The following VPS13C variants were observed in gnomAD, a reference collection of about 807,000 sequenced individuals.
VPS13C encodes the protein vacuolar protein sorting 13 homolog C, also known as intermembrane lipid transfer protein VPS13C.
In VPS13C, 358 loss-of-function variants were observed where a neutral mutation model predicts 456.8. The observed-to-expected ratio is 0.78, with a 90% CI of 0.72 to 0.86. VPS13C has a LOEUF of 0.86. Ranked by LOEUF, VPS13C falls within the 40% of genes least tolerant of loss-of-function variation. The probability of loss-of-function intolerance (pLI) is 0.00; values close to 1 mark genes in which losing one functional copy is unlikely to be tolerated. For synonymous variants in VPS13C, 1,578 were observed against 1,486.7 expected (o/e 1.06, Z -1.41); for missense variants, 4,818 against 4,385.4 (o/e 1.10, Z -2.79).
chr15:61,911,724 T>C, intron 63 of VPS13C, 116 bp downstream of exon 63: 1 of 1,063,844 alleles, frequency 9.4e-7, no homozygotes, highest in Non-Finnish European at 1.2e-6. Context: ...AAGCTGGCTG[T>C]CATATTTCAA....
rs1436607583 is a variant in VPS13C at position 61,927,321 on chromosome 15, C to G, written c.6287-1G>C. On this transcript the variant is annotated splice_acceptor_variant, in intron 51 of 84. Coordinates refer to ENST00000644861, the MANE Select transcript of VPS13C (RefSeq NM_020821.3). LOFTEE classifies it high-confidence loss of function. ...GTCATATTTGGTCTAACAGAGTCAT[C>G]TGAAGAAACAAGCAACAGGAACCAG... 2 of 1,610,810 alleles carry G rather than the reference C, an allele frequency of 1.2e-6. No individual in the cohort carries two copies. Among genetic ancestry groups the G allele is most frequent in the Non-Finnish European group, 1.7e-6 (2 of 1,178,072 alleles).
intron 5 of VPS13C, among the ~76,000 whole-genome samples, chr15:62,032,952 C>T (rs1561197): frequency 0.53 from 80,273 of 151,354 alleles, 21,525 homozygotes; most frequent in Admixed American, 0.62. Context: ...TGTTAAAATG[C>T]TAAAACCTGA....
Position 61,973,439 on chromosome 15 carries a change from T to C in VPS13C, c.2617+15A>G, listed in dbSNP as rs942549756. On this transcript the variant is annotated intron_variant, in intron 26 of 84. Coordinates refer to ENST00000644861, the MANE Select transcript of VPS13C (RefSeq NM_020821.3). ...GGCTTAATTTAATAGAGAAAGAGTA[T>C]TTTACTTTCCTTACCTGATTCCACA... is the stretch of plus-strand genomic sequence containing the variant. The C allele has an allele frequency of 2.5e-6, 4 of 1,597,322 alleles. No individual in the cohort carries two copies. The highest frequency in any genetic ancestry group is 2.7e-5 in the African/African-American group (2 of 74,574).
intron 22 of VPS13C, 73 bp from the exon 23 acceptor site, chr15:61,978,822 G>A (rs1417522893): frequency 1.0e-5 from 15 of 1,456,000 alleles, no homozygotes; most frequent in Non-Finnish European, 1.4e-5. Flanking sequence ...CTTTAGTTAG[G>A]TTTCAGTCTT....
At chr15:61,977,584 G>T (rs1314940146) in intron 23 of VPS13C, among the ~76,000 whole-genome samples, 1 of 151,910 alleles carries the variant, frequency 6.6e-6, no homozygotes, top group African/African-American at 2.4e-5. Context: ...AGAAAAAGAA[G>T]TATGGGGTTC....
chr15:61,887,725 A>G (rs1896371950), intron 67 of VPS13C, among the ~76,000 whole-genome samples: 1 of 152,108 alleles, frequency 6.6e-6, no homozygotes, highest in African/African-American at 2.4e-5. Flanking sequence ...ATAAAAATAA[A>G]TAAATATAAA....
At chr15:62,023,366 A>C (rs749044658) in intron 8 of VPS13C, 45 bp downstream of exon 8, 1 of 1,163,770 alleles carries the variant, frequency 8.6e-7, no homozygotes, top group Admixed American at 3.2e-5. Context: ...AGAATATTAT[A>C]AAATACATAT....
chr15:61,921,485 TG>T (rs2140182587), intron 55 of VPS13C, among the ~76,000 whole-genome samples: 1 of 152,196 alleles, frequency 6.6e-6, no homozygotes, highest in Non-Finnish European at 1.5e-5. Context: ...TAAAAATCAC[TG>T]AGTATACTAA....
intron 13 of VPS13C, among the ~76,000 whole-genome samples, chr15:62,009,926 G>A (rs945852575): frequency 9.9e-5 from 15 of 152,070 alleles, no homozygotes; most frequent in Middle Eastern, 3.2e-3. Context: ...GGTAGCTCAC[G>A]CCTGTAATCC....
intron 3 of VPS13C, among the ~76,000 whole-genome samples, chr15:62,036,020 A>C (rs1456790189): frequency 1.3e-5 from 2 of 152,026 alleles, no homozygotes; most frequent in Non-Finnish European, 2.9e-5. Flanking sequence ...CCCTCGTTCC[A>C]GGTCTCCAGG....
At chr15:61,903,470 T>C (rs1161420682) in intron 66 of VPS13C, among the ~76,000 whole-genome samples, 1 of 151,864 alleles carries the variant, frequency 6.6e-6, no homozygotes, top group Non-Finnish European at 1.5e-5. Flanking sequence ...CCAAAATGTA[T>C]AAAGCTATGA....
chr15:61,914,934 C>G (rs1335296697), intron 61 of VPS13C, among the ~76,000 whole-genome samples: 1 of 121,386 alleles, frequency 8.2e-6, no homozygotes, highest in African/African-American at 3.1e-5. Context: ...TAATAATGTA[C>G]ACTGAAATTT....
In VPS13C at chr15:61,920,644, T is replaced by C. The variant is rs2043624499; in HGVS notation, c.7066A>G (p.Lys2356Glu). The change falls in exon 56 of 85, where the codon AAG (lysine) becomes GAG (glutamate). Residue 2356 changes from lysine (K) to glutamate (E), a missense_variant. Physicochemically the swap from Lys to Glu is moderately conservative, Grantham distance 56 (BLOSUM62 1). This residue lies in a region of VPS13C where 4,552 missense variants were observed against 4,130.6 expected (regional missense o/e 1.10). Coordinates refer to ENST00000644861, the MANE Select transcript of VPS13C (RefSeq NM_020821.3). ...KRQWNLRLDV[K>E]KNPVQDKSLL... ...CTTTTATCCTGAACTGGGTTCTTCTTTACCTATGAAGAAAAATAACACAGC... is the reference window on the plus strand; with the variant it reads ...CTTTTATCCTGAACTGGGTTCTTCTCTACCTATGAAGAAAAATAACACAGC... 6.4e-7 allele frequency: 1 copy of C among 1,562,596 alleles called. No individual in the cohort carries two copies. Among genetic ancestry groups the C allele is most frequent in the Non-Finnish European group, 8.6e-7 (1 of 1,164,284 alleles).
chr15:61,907,863 T>A (rs933580843), intron 65 of VPS13C, among the ~76,000 whole-genome samples: 2 of 152,194 alleles, frequency 1.3e-5, no homozygotes, highest in Non-Finnish European at 2.9e-5. Context: ...CATGAGATGC[T>A]CCTACCCAAG....
chr15:62,042,778 A>C (rs947314528), intron 2 of VPS13C, among the ~76,000 whole-genome samples: 2 of 152,164 alleles, frequency 1.3e-5, no homozygotes, highest in Non-Finnish European at 2.9e-5. Context: ...TATAAATTAC[A>C]GGGGGAAGGG....
chr15:62,016,677 G>C (rs948741094), intron 9 of VPS13C, among the ~76,000 whole-genome samples: 2 of 152,026 alleles, frequency 1.3e-5, no homozygotes, highest in East Asian at 3.9e-4. Flanking sequence ...ATCACTGTTG[G>C]ACACTTGGGT....
chr15:62,005,909 G>A lies in VPS13C; in HGVS notation c.1290+1399C>T, dbSNP rs888555432. Among the ~76,000 whole-genome samples, 9 of 151,000 alleles carry A rather than the reference G, an allele frequency of 6.0e-5. No homozygotes were observed. In the South Asian group the frequency reaches 1.5e-3, roughly 25 times the overall value. On this transcript the variant is annotated intron_variant, in intron 15 of 84. Transcript: ENST00000644861. ...AGTAGAGACGGGGTTTCATCACGTT[G>A]GCCAGGCTGGTCTCCAATTCCAGAC...
At chr15:61,965,980 T>G (rs527355403) in intron 30 of VPS13C, 103 bp downstream of exon 30, 3 of 727,254 alleles carry the variant, frequency 4.1e-6, no homozygotes, top group African/African-American at 3.6e-5. Context: ...TGGTCCTTGA[T>G]TATGTCATCA....
rs1567002497 is a variant in VPS13C, at chr15:61,919,355, G to A, written c.7572C>T (p.Asp2524=). ...TTGCATCAATTTGTACCAAGACAGAGTCAGAATGACTGGCATTGGGATTCC... is the reference window on the plus strand; with the variant it reads ...TTGCATCAATTTGTACCAAGACAGAATCAGAATGACTGGCATTGGGATTCC... ...NVRNPNASHS[D]SVLVQIDATE... The change falls in exon 58 of 85, where the codon GAC becomes GAT. Residue 2524 remains aspartate (D), a synonymous_variant. Transcript: ENST00000644861. 1 of 1,605,336 alleles carries A rather than the reference G, an allele frequency of 6.2e-7. No individual in the cohort carries two copies.
Sources: gnomAD v4.1 joint callset for allele counts (sites outside exome capture counted in the v4.1 genomes callset) on GRCh38, gnomAD v4.1.1 for gene constraint, gnomAD v4.1.1 regional missense constraint, MANE v1.5 for transcripts, NCBI Gene and HGNC (gene_info 2026-07-23, HGNC 2026-07-21) for gene names.